The following MYH16 variants were observed in gnomAD, a reference collection of about 807,000 sequenced individuals.
The protein encoded by MYH16 is myosin heavy chain 16.
chr7:99,273,387 G>T (rs903238337), exon 20 of MYH16: 2 of 456,782 alleles, frequency 4.4e-6, no homozygotes, highest in South Asian at 1.5e-5. Context: ...AGTTCCTGCA[G>T]CTCCGTTTCT....
exon 31 of MYH16, chr7:99,291,450 G>T (rs1792374447): frequency 2.2e-6 from 1 of 456,342 alleles, no homozygotes; most frequent in Non-Finnish European, 4.4e-6. Flanking sequence ...AAGAGTCAAA[G>T]GTTTGTTTGG....
chr7:99,281,187 TTGTTA>T (rs1296699957), intron 23 of MYH16, among the ~76,000 whole-genome samples: 1 of 152,160 alleles, frequency 6.6e-6, no homozygotes, highest in African/African-American at 2.4e-5. Flanking sequence ...CCTTCCAAGT[TTGTTA>T]TAAGTGGGGT....
intron 32 of MYH16, among the ~76,000 whole-genome samples, chr7:99,292,932 C>T (rs1465562400): frequency 2.0e-5 from 3 of 150,116 alleles, no homozygotes; most frequent in Non-Finnish European, 4.4e-5. Context: ...TGCACTCCAG[C>T]CTGGATAACA....
At chr7:99,295,377 C>CA (rs55710388) in intron 33 of MYH16, among the ~76,000 whole-genome samples, 15,636 of 145,562 alleles carry the variant, frequency 0.11, 1,683 homozygotes, top group African/African-American at 0.28. Context: ...ACTCTGGCTC[C>CA]AAAAAAAAAA....
chr7:99,252,174 T>A (rs1322836731), intron 6 of MYH16, among the ~76,000 whole-genome samples: 4 of 151,858 alleles, frequency 2.6e-5, no homozygotes, highest in South Asian at 2.1e-4. Context: ...TGTCCTAGGG[T>A]CCTAGTGGGT....
At chr7:99,306,754 T>G (rs1475974892) in exon 42 of MYH16, 1 of 152,736 alleles carries the variant, frequency 6.5e-6, no homozygotes, top group Non-Finnish European at 1.5e-5. Context: ...ATCACCTCTG[T>G]GGAGATCATC....
At chr7:99,292,981 A>G (rs1450292341) in intron 32 of MYH16, among the ~76,000 whole-genome samples, 1 of 150,954 alleles carries the variant, frequency 6.6e-6, no homozygotes. Flanking sequence ...AAAAAACTAC[A>G]TAAGTGGACA....
chr7:99,298,434 T>C (rs1240567085), intron 36 of MYH16, among the ~76,000 whole-genome samples: 1 of 152,186 alleles, frequency 6.6e-6, no homozygotes, highest in African/African-American at 2.4e-5. Context: ...GGTTTCACCA[T>C]GTTGGCCAGG....
At chr7:99,283,676 T>A (rs959673149) in intron 24 of MYH16, 25 bp downstream of exon 6, 2 of 456,474 alleles carry the variant, frequency 4.4e-6, no homozygotes, top group African/African-American at 4.0e-5. Flanking sequence ...TGTGGCCACC[T>A]CTACAACTCC....
At chr7:99,291,617 A>ACCCCCCCCCCCCCCCC (rs34446113) in intron 31 of MYH16, among the ~76,000 whole-genome samples, 167 bp downstream of exon 12, 1,212 of 105,946 alleles carry the variant, frequency 0.011, no homozygotes, top group Non-Finnish European at 0.014. Flanking sequence ...ACACAGCAAG[A>ACCCCCCCCCCCCCCCC]CCCCCCCCCA....
At chr7:99,273,200 A>G (rs1792069096) in intron 19 of MYH16, 123 bp downstream of exon 1, 7 of 397,226 alleles carry the variant, frequency 1.8e-5, no homozygotes, top group South Asian at 1.3e-4. Flanking sequence ...CCACATGGGC[A>G]ATGCTGGGTC....
intron 1 of MYH16, among the ~76,000 whole-genome samples, chr7:99,240,824 A>G (rs1017041832): frequency 7.4e-6 from 1 of 135,574 alleles, no homozygotes; most frequent in East Asian, 2.2e-4. Context: ...TGGGTGACAG[A>G]CAGAAACCTT....
chr7:99,244,551 C>T (rs1791706140), intron 2 of MYH16, among the ~76,000 whole-genome samples: 1 of 152,134 alleles, frequency 6.6e-6, no homozygotes, highest in Admixed American at 6.5e-5. Flanking sequence ...GCTGGGGGTT[C>T]CCCTTCCCTG....
intron 33 of MYH16, among the ~76,000 whole-genome samples, chr7:99,295,999 G>T (rs550704660): frequency 6.6e-6 from 1 of 151,550 alleles, no homozygotes; most frequent in Non-Finnish European, 1.5e-5. Context: ...AAAAGTAGCC[G>T]GACGTGGTGG....
intron 7 of MYH16, chr7:99,253,392 C>G (rs1308635164): frequency 1.3e-5 from 2 of 152,096 alleles, no homozygotes; most frequent in Non-Finnish European, 2.9e-5. Context: ...AATAATCACA[C>G]CACTGCACTC....
chr7:99,259,994 G>A (rs1026355849), intron 11 of MYH16, among the ~76,000 whole-genome samples: 4 of 151,974 alleles, frequency 2.6e-5, no homozygotes, highest in African/African-American at 9.7e-5. Flanking sequence ...GGAACAGAGA[G>A]CTACTTCTCA....
chr7:99,302,788 G>C (rs923376039), intron 38 of MYH16, among the ~76,000 whole-genome samples: 1 of 151,992 alleles, frequency 6.6e-6, no homozygotes, highest in African/African-American at 2.4e-5. Flanking sequence ...GGCTGAGGTG[G>C]GAGGATCGCT....
At chr7:99,278,442 A>G (rs1020391405) in intron 21 of MYH16, among the ~76,000 whole-genome samples, 1 of 152,188 alleles carries the variant, frequency 6.6e-6, no homozygotes, top group African/African-American at 2.4e-5. Context: ...AGGGAAACAC[A>G]GCAAGAAAGA....
chr7:99,273,436 G>T lies in MYH16; in HGVS notation n.2485+13G>T. The stretch of plus-strand genomic sequence containing the variant: ...GCTGTACAACAAGGTGAGGGCCGAG[G>T]GGCCAGGCCAGGGGGGACTGCTGCT... On this transcript the variant is annotated intron_variant and non_coding_transcript_variant, in intron 20 of 41. Transcript: ENST00000439784. 2.2e-6 allele frequency: 1 copy of T among 456,738 alleles called. No homozygotes were observed. Among genetic ancestry groups the T allele is most frequent in the South Asian group, 1.5e-5 (1 of 64,568 alleles). 28.3% of individuals were successfully genotyped at this position (456,738 alleles called of 1,614,324 possible). A position where few individuals can be genotyped will look rare whatever the true frequency, so the allele number is the denominator to read the frequency against.
Sources: allele counts gnomAD v4.1 joint callset (sites outside exome capture counted in the v4.1 genomes callset), GRCh38; gene constraint gnomAD v4.1.1; transcripts MANE v1.5; gene names NCBI Gene and HGNC (gene_info 2026-07-23, HGNC 2026-07-21).